The following CLEC4A variants were observed in gnomAD, a reference collection of about 807,000 sequenced individuals.
CLEC4A encodes C-type lectin domain family 4 member A.
A neutral mutation model predicts 32.7 loss-of-function variants in CLEC4A; 27 were observed. That is an observed-to-expected ratio of 0.83 (90% confidence interval 0.61 to 1.14). The LOEUF is 1.14. Ranked by LOEUF, CLEC4A falls within the 50% of genes most tolerant of loss-of-function variation. CLEC4A has a pLI of 0.00. For synonymous variants in CLEC4A, 89 were observed against 93.7 expected, an observed-to-expected ratio of 0.95 and a Z score of 0.29; for missense variants, 253 against 274.6, an observed-to-expected ratio of 0.92 and a Z score of 0.55.
chr12:8,119,851 T>C (rs1032485880), upstream of CLEC4A, among the ~76,000 whole-genome samples: 2 of 152,108 alleles, frequency 1.3e-5, no homozygotes, highest in African/African-American at 4.8e-5. Flanking sequence ...TTCCCAGGGG[T>C]GTCCTCACTC....
the CLEC4A span, among the ~76,000 whole-genome samples, chr12:8,111,933 GT>G: frequency 1.4e-5 from 2 of 147,350 alleles, no homozygotes; most frequent in East Asian, 3.9e-4. Context: ...ATGTGTGTGT[GT>G]GTGTGTGTGT....
intron 1 of CLEC4A, among the ~76,000 whole-genome samples, chr12:8,124,761 A>G (rs961116338): frequency 1.3e-5 from 2 of 152,216 alleles, no homozygotes; most frequent in Admixed American, 6.5e-5. Flanking sequence ...TAATTTCTTT[A>G]TTACACAAGT....
the CLEC4A span, among the ~76,000 whole-genome samples, chr12:8,111,734 A>G: frequency 1.3e-5 from 2 of 152,142 alleles, no homozygotes; most frequent in African/African-American, 4.8e-5. Flanking sequence ...CATTTCTGAC[A>G]TTTTTGACAC....
intron 3 of CLEC4A, among the ~76,000 whole-genome samples, chr12:8,129,984 C>A (rs968485436): frequency 1.3e-5 from 2 of 152,018 alleles, no homozygotes; most frequent in Admixed American, 6.6e-5. Context: ...TACAAGCACA[C>A]GCCACTACAC....
the CLEC4A span, among the ~76,000 whole-genome samples, chr12:8,107,871 T>C: frequency 2.0e-5 from 3 of 152,066 alleles, no homozygotes; most frequent in Non-Finnish European, 2.9e-5. Flanking sequence ...TATGGCTTTT[T>C]GCTACTCAGT....
At chr12:8,112,695 G>A in the CLEC4A span, among the ~76,000 whole-genome samples, 2 of 152,016 alleles carry the variant, frequency 1.3e-5, no homozygotes, top group African/African-American at 4.8e-5. Flanking sequence ...TTTCTTTGGA[G>A]TGGTTTTGCA....
chr12:8,134,375 G>C (rs1470619799), intron 3 of CLEC4A: 2 of 1,613,118 alleles, frequency 1.2e-6, no homozygotes, highest in African/African-American at 1.3e-5. Context: ...TATATCCCAG[G>C]GTGATCCTCT....
chr12:8,104,524 C>T, the CLEC4A span, among the ~76,000 whole-genome samples: 2 of 152,146 alleles, frequency 1.3e-5, no homozygotes, highest in Non-Finnish European at 2.9e-5. Context: ...TCAAACCATC[C>T]CTGCCTTCTC....
chr12:8,136,636 G>T, intron 4 of CLEC4A, 152 bp from the exon 5 acceptor site: 1 of 524,746 alleles, frequency 1.9e-6, no homozygotes. Flanking sequence ...CTTTGATTCT[G>T]CCCTGCTCAG....
chr12:8,124,057 CTGAT>C (rs1411021854), intron 1 of CLEC4A, 97 bp downstream of exon 1: 2 of 804,858 alleles, frequency 2.5e-6, no homozygotes, highest in Non-Finnish European at 4.3e-6. Flanking sequence ...TGCTGGTTGT[CTGAT>C]TGAGTATGTC....
chr12:8,134,269 C>A (rs773282105), intron 3 of CLEC4A: 1 of 1,612,586 alleles, frequency 6.2e-7, no homozygotes, highest in South Asian at 1.1e-5. Flanking sequence ...CACACATGTT[C>A]TTGAAGCTAA....
the CLEC4A span, among the ~76,000 whole-genome samples, chr12:8,106,939 C>T: frequency 5.9e-5 from 9 of 152,072 alleles, no homozygotes; most frequent in African/African-American, 1.9e-4. Flanking sequence ...AGTAGGTATC[C>T]GTGTCTTGTT....
At chr12:8,119,600 C>G (rs780485548), upstream of CLEC4A, among the ~76,000 whole-genome samples, 6 of 152,286 alleles carry the variant, frequency 3.9e-5, no homozygotes, top group African/African-American at 1.4e-4. Flanking sequence ...TAAAAGTGCC[C>G]TATTTACTCC....
chr12:8,108,555 G>A, the CLEC4A span, among the ~76,000 whole-genome samples: 1 of 152,316 alleles, frequency 6.6e-6, no homozygotes, highest in Middle Eastern at 3.4e-3. Flanking sequence ...TTCAAAGGAA[G>A]GAAAGAGGGA....
intron 3 of CLEC4A, among the ~76,000 whole-genome samples, chr12:8,130,653 T>C (rs1947981285): frequency 2.0e-5 from 3 of 152,206 alleles, no homozygotes; most frequent in Admixed American, 6.5e-5. Flanking sequence ...GTGCTGGGAT[T>C]ACAGGAGTGA....
the CLEC4A span, among the ~76,000 whole-genome samples, chr12:8,115,119 C>T: frequency 6.6e-6 from 1 of 152,156 alleles, no homozygotes; most frequent in East Asian, 1.9e-4. Context: ...TGGCCTGGAC[C>T]ACCTGAACAG....
At chr12:8,128,230 G>A (rs1038299658) in intron 2 of CLEC4A, among the ~76,000 whole-genome samples, 1 of 152,072 alleles carries the variant, frequency 6.6e-6, no homozygotes, top group Non-Finnish European at 1.5e-5. Flanking sequence ...AAGAGCTAAG[G>A]GGAAAGGCAA....
At chr12:8,106,016 T>A in the CLEC4A span, among the ~76,000 whole-genome samples, 1 of 152,222 alleles carries the variant, frequency 6.6e-6, no homozygotes, top group South Asian at 2.1e-4. Flanking sequence ...TTTTTATAGT[T>A]TTATGTTTTA....
rs371181779 is a variant in CLEC4A, at chr12:8,134,973, G to GTTTTTTTTTTTTTTT, written c.299-607_299-606insTTTTTTTTTTTTTTT. ...CATGTCTGTATCTTCTTGTTGAAGC[G>GTTTTTTTTTTTTTTT]TTTTTGTTTTTTGTTTTTTTTTAAT... On this transcript the variant is annotated intron_variant, in intron 3 of 5. Coordinates refer to ENST00000229332, the MANE Select transcript of CLEC4A (RefSeq NM_016184.4). 1.1e-3 allele frequency: 337 copies of GTTTTTTTTTTTTTTT among 318,344 alleles called. 12 individuals are homozygous for GTTTTTTTTTTTTTTT. The highest frequency in any genetic ancestry group is 3.6e-3 in the African/African-American group (73 of 20,134). 19.7% of individuals were successfully genotyped at this position (318,344 alleles called of 1,614,324 possible).
Sources: gnomAD v4.1 joint callset for allele counts (sites outside exome capture counted in the v4.1 genomes callset) on GRCh38, gnomAD v4.1.1 for gene constraint, MANE v1.5 for transcripts, NCBI Gene and HGNC (gene_info 2026-07-23, HGNC 2026-07-21) for gene names.